TOP6BL: variants seen among roughly 807,000 people sequenced by gnomAD.
The protein encoded by TOP6BL is TOP6B like initiator of meiotic double strand breaks, also known as type 2 DNA topoisomerase 6 subunit B-like.
At chr11:66,759,708 C>T in the TOP6BL span, among the ~76,000 whole-genome samples, 12 of 152,102 alleles carry the variant, frequency 7.9e-5, no homozygotes, top group African/African-American at 2.4e-4. Context: ...CTCAGCCTTC[C>T]GAGTAGCTGG....
chr11:66,745,051 C>T, the TOP6BL span: 10 of 953,772 alleles, frequency 1.0e-5, no homozygotes, highest in African/African-American at 3.4e-5. Context: ...AATCGAGGCC[C>T]GTCTCCCACG....
the TOP6BL span, among the ~76,000 whole-genome samples, chr11:66,762,834 G>A: frequency 6.6e-6 from 1 of 152,146 alleles, no homozygotes; most frequent in Admixed American, 6.5e-5. Flanking sequence ...GTTACAAGAT[G>A]AATACTCTAA....
chr11:66,778,925 T>C, the TOP6BL span, among the ~76,000 whole-genome samples: 1 of 152,214 alleles, frequency 6.6e-6, no homozygotes. Flanking sequence ...GGATTCCCTA[T>C]TTAATAAATG....
chr11:66,803,543 C>T, the TOP6BL span, among the ~76,000 whole-genome samples: 1 of 152,186 alleles, frequency 6.6e-6, no homozygotes, highest in African/African-American at 2.4e-5. Context: ...ATTCTCCTGC[C>T]TCAGCCTCCT....
the TOP6BL span, among the ~76,000 whole-genome samples, chr11:66,826,410 AGTG>A: frequency 6.6e-6 from 1 of 152,168 alleles, no homozygotes; most frequent in African/African-American, 2.4e-5. Flanking sequence ...TTGCTTATAT[AGTG>A]GTTCAGTTAA....
At chr11:66,775,387 A>G in the TOP6BL span, among the ~76,000 whole-genome samples, 1 of 152,266 alleles carries the variant, frequency 6.6e-6, no homozygotes, top group Admixed American at 6.5e-5. Flanking sequence ...TTTAGAGACC[A>G]TTTTGCCAGG....
chr11:66,758,841 C>T, the TOP6BL span, among the ~76,000 whole-genome samples: 5 of 152,150 alleles, frequency 3.3e-5, no homozygotes, highest in Admixed American at 2.6e-4. Flanking sequence ...ATTCGGTTAT[C>T]TCTAAGAAGT....
the TOP6BL span, chr11:66,762,546 T>G: frequency 3.2e-5 from 6 of 189,236 alleles, no homozygotes; most frequent in Admixed American, 6.3e-5. Flanking sequence ...CTTGGTTCAC[T>G]GCAACCTTCC....
the TOP6BL span, among the ~76,000 whole-genome samples, chr11:66,807,758 A>G: frequency 6.6e-6 from 1 of 152,186 alleles, no homozygotes; most frequent in African/African-American, 2.4e-5. Context: ...ATGTATTAAT[A>G]CTTCCAAATC....
At chr11:66,788,660 C>T in the TOP6BL span, among the ~76,000 whole-genome samples, 1 of 152,226 alleles carries the variant, frequency 6.6e-6, no homozygotes, top group Admixed American at 6.5e-5. Context: ...TAGACTACTG[C>T]CTTGTCACTG....
At chr11:66,756,533 T>C in the TOP6BL span, 1 of 1,015,612 alleles carries the variant, frequency 9.8e-7, no homozygotes, top group African/African-American at 1.7e-5. Flanking sequence ...CTGCTCCACA[T>C]CCTATCCAGC....
At chr11:66,755,010 A>G in the TOP6BL span, among the ~76,000 whole-genome samples, 5 of 152,122 alleles carry the variant, frequency 3.3e-5, no homozygotes, top group Non-Finnish European at 5.9e-5. Flanking sequence ...GTGTTTTGCA[A>G]TTTTATTATA....
the TOP6BL span, chr11:66,842,873 A>G: frequency 1.3e-6 from 2 of 1,572,806 alleles, no homozygotes; most frequent in Non-Finnish European, 8.6e-7. Flanking sequence ...GCAGAAAACA[A>G]GAGGCTCAAG....
the TOP6BL span, among the ~76,000 whole-genome samples, chr11:66,784,833 A>G: frequency 2.0e-5 from 3 of 152,038 alleles, no homozygotes; most frequent in African/African-American, 7.2e-5. Context: ...GCATTCATGT[A>G]CTAAGTTTTC....
chr11:66,821,224 G>C, the TOP6BL span, among the ~76,000 whole-genome samples: 1 of 151,968 alleles, frequency 6.6e-6, no homozygotes. Flanking sequence ...CTCAGTATTG[G>C]ATTTAAAAGA....
At chr11:66,778,564 C>T in the TOP6BL span, among the ~76,000 whole-genome samples, 1 of 152,150 alleles carries the variant, frequency 6.6e-6, no homozygotes, top group Admixed American at 6.5e-5. Flanking sequence ...GACTTCAAGA[C>T]TTATAAAGCT....
the TOP6BL span, chr11:66,748,301 T>A: frequency 1.7e-6 from 2 of 1,149,416 alleles, no homozygotes; most frequent in Non-Finnish European, 2.4e-6. Context: ...AGTTACTAAT[T>A]TAACTGGGTC....
the TOP6BL span, among the ~76,000 whole-genome samples, chr11:66,767,441 A>G: frequency 6.6e-6 from 1 of 152,208 alleles, no homozygotes; most frequent in Admixed American, 6.5e-5. Flanking sequence ...ATGGAGGAAT[A>G]TGAAAAAAAT....
At chr11:66,827,497 G>A in the TOP6BL span, among the ~76,000 whole-genome samples, 1 of 151,492 alleles carries the variant, frequency 6.6e-6, no homozygotes, top group African/African-American at 2.4e-5. Context: ...GGTGCAAACT[G>A]TATTATTTTG....
Sources: gnomAD v4.1 joint callset for allele counts (sites outside exome capture counted in the v4.1 genomes callset) on GRCh38, gnomAD v4.1.1 for gene constraint, MANE v1.5 for transcripts, NCBI Gene and HGNC (gene_info 2026-07-23, HGNC 2026-07-21) for gene names.